EIPR1: variants seen among roughly 807,000 people sequenced by gnomAD.
EIPR1 encodes EARP and GARP complex-interacting protein 1.
EIPR1 carries 25 observed loss-of-function variants against 48.1 expected under a neutral mutation model. That is an observed-to-expected ratio of 0.52 (90% confidence interval 0.38 to 0.73). EIPR1 has a LOEUF of 0.73. Among genes scored for constraint, EIPR1 ranks in the 30% least tolerant of loss-of-function variants. The probability of loss-of-function intolerance (pLI) is 0.00; values close to 1 mark genes in which losing one functional copy is unlikely to be tolerated. For missense variants in EIPR1, 415 were observed against 506.2 expected (o/e 0.82, Z 1.73); for synonymous variants, 204 against 201.9 (o/e 1.01, Z -0.09).
At chr2:3,277,324 C>T (rs761756047) in intron 3 of EIPR1, among the ~76,000 whole-genome samples, 3 of 151,920 alleles carry the variant, frequency 2.0e-5, no homozygotes, top group Admixed American at 1.3e-4. Flanking sequence ...CTCCATTCAA[C>T]GCATTGAAAC....
chr2:3,335,825 T>G (rs759271460), intron 3 of EIPR1, among the ~76,000 whole-genome samples: 1 of 151,854 alleles, frequency 6.6e-6, no homozygotes, highest in Non-Finnish European at 1.5e-5. Flanking sequence ...CCCACTGTGA[T>G]TGTGCGTTTC....
At chr2:3,305,996 C>T (rs1022495534) in intron 3 of EIPR1, among the ~76,000 whole-genome samples, 4 of 152,206 alleles carry the variant, frequency 2.6e-5, no homozygotes, top group African/African-American at 9.6e-5. Context: ...CTACTGAGTT[C>T]CGAGGCAGTC....
Position 3,196,947 on chromosome 2 carries a change from T to A in EIPR1, c.587A>T (p.His196Leu), listed in dbSNP as rs777413297. The change falls in exon 6 of 9, where the codon CAT (histidine) becomes CTT (leucine). Residue 196 changes from histidine (H) to leucine (L), a missense_variant. Physicochemically the swap from His to Leu is moderately conservative, Grantham distance 99 (BLOSUM62 -3). Transcript: ENST00000382125. ...KFTSGRWSPH[H>L]NCTQVATAND... ...CGCTGTGGCCACCTGGGTGCAGTTA[T>A]GATGTGGGCTCCACCGTCCTGAGGT... The A allele has an allele frequency of 6.2e-7, 1 of 1,614,006 alleles. No individual in the cohort carries two copies. Among genetic ancestry groups the A allele is most frequent in the Non-Finnish European group, 8.5e-7 (1 of 1,180,040 alleles).
At chr2:3,305,683 C>T (rs577259693) in intron 3 of EIPR1, among the ~76,000 whole-genome samples, 13 of 152,310 alleles carry the variant, frequency 8.5e-5, no homozygotes, top group Admixed American at 6.5e-4. Context: ...GGGACCTGCC[C>T]GCCCTCCAGA....
At chr2:3,338,500 A>G (rs1670136028) in intron 2 of EIPR1, among the ~76,000 whole-genome samples, 1 of 152,196 alleles carries the variant, frequency 6.6e-6, no homozygotes, top group African/African-American at 2.4e-5. Context: ...AGGGCTGTCC[A>G]TATCAGCAAG....
chr2:3,272,590 A>C (rs1266116259), intron 3 of EIPR1, among the ~76,000 whole-genome samples: 2 of 152,168 alleles, frequency 1.3e-5, no homozygotes, highest in Non-Finnish European at 2.9e-5. Context: ...ACATTTACAG[A>C]TTCACTTTGC....
intron 3 of EIPR1, among the ~76,000 whole-genome samples, chr2:3,267,264 G>A (rs1374064491): frequency 6.6e-6 from 1 of 152,254 alleles, no homozygotes; most frequent in Non-Finnish European, 1.5e-5. Context: ...AATGATGACA[G>A]GAAGGACCAG....
intron 4 of EIPR1, among the ~76,000 whole-genome samples, chr2:3,216,603 C>G (rs1665647275): frequency 6.6e-6 from 1 of 152,188 alleles, no homozygotes; most frequent in South Asian, 2.1e-4. Flanking sequence ...TCCCACAGAC[C>G]AATTTTAATA....
At chr2:3,329,204 A>C (rs13034299) in intron 3 of EIPR1, among the ~76,000 whole-genome samples, 8 of 145,192 alleles carry the variant, frequency 5.5e-5, no homozygotes, top group Non-Finnish European at 1.2e-4. Flanking sequence ...GGCTCCCCTG[A>C]ATCAGAGCCC....
chr2:3,318,825 G>A (rs909043626), intron 3 of EIPR1: 2 of 470,242 alleles, frequency 4.3e-6, no homozygotes, highest in Admixed American at 2.4e-5. Flanking sequence ...CTCAGGAGGG[G>A]TGCTTGTTTA....
At chr2:3,190,860 G>C (rs966946271) in intron 8 of EIPR1, among the ~76,000 whole-genome samples, 3 of 152,220 alleles carry the variant, frequency 2.0e-5, no homozygotes, top group African/African-American at 7.2e-5. Context: ...CTAGCACTTT[G>C]GGAGGCTGAA....
chr2:3,258,850 T>A (rs1667242574), intron 3 of EIPR1, among the ~76,000 whole-genome samples: 1 of 152,200 alleles, frequency 6.6e-6, no homozygotes, highest in South Asian at 2.1e-4. Flanking sequence ...CCATCATATA[T>A]TCATATAATG....
chr2:3,294,059 G>A (rs181752290), intron 3 of EIPR1, among the ~76,000 whole-genome samples: 3 of 152,174 alleles, frequency 2.0e-5, no homozygotes, highest in East Asian at 1.9e-4. Context: ...TTCAAAATCA[G>A]TAAACAAAAA....
At chr2:3,227,438 G>A (rs1572327587) in intron 4 of EIPR1, among the ~76,000 whole-genome samples, 1 of 152,140 alleles carries the variant, frequency 6.6e-6, no homozygotes, top group Non-Finnish European at 1.5e-5. Flanking sequence ...GATGACTTAG[G>A]GAATCTGGCA....
chr2:3,323,922 G>C (rs542194121), intron 3 of EIPR1, among the ~76,000 whole-genome samples: 1 of 152,230 alleles, frequency 6.6e-6, no homozygotes. Context: ...TGCCGTGTTG[G>C]AGTAGGCAGC....
At chr2:3,271,117 T>C (rs115120680) in intron 3 of EIPR1, among the ~76,000 whole-genome samples, 390 of 152,348 alleles carry the variant, frequency 2.6e-3, no homozygotes, top group Non-Finnish European at 4.4e-3. Context: ...TCGAGATTGA[T>C]CATGAGATTG....
chr2:3,294,950 A>G (rs1572406735), intron 3 of EIPR1, among the ~76,000 whole-genome samples: 1 of 84,594 alleles, frequency 1.2e-5, no homozygotes, highest in Non-Finnish European at 2.3e-5. Context: ...CTCTCTACAC[A>G]CACACACACA....
intron 3 of EIPR1, chr2:3,320,282 T>C: frequency 6.5e-6 from 1 of 153,646 alleles, no homozygotes; most frequent in Non-Finnish European, 1.4e-5. Context: ...GACAACACTA[T>C]ACCTGCGGAT....
intron 3 of EIPR1, among the ~76,000 whole-genome samples, chr2:3,323,201 T>C (rs1469388674): frequency 6.6e-6 from 1 of 152,004 alleles, no homozygotes; most frequent in African/African-American, 2.4e-5. Context: ...TGATTCCATA[T>C]AGGCGTGTCA....
Sources: gnomAD v4.1 joint callset for allele counts (sites outside exome capture counted in the v4.1 genomes callset) on GRCh38, gnomAD v4.1.1 for gene constraint, MANE v1.5 for transcripts, NCBI Gene and HGNC (gene_info 2026-07-23, HGNC 2026-07-21) for gene names.